TFDP2: variants seen among roughly 807,000 people sequenced by gnomAD.
TFDP2 encodes transcription factor Dp-2 (E2F dimerization partner 2).
Under a neutral mutation model 59.3 loss-of-function variants are expected in TFDP2, and 17 were observed. That is an observed-to-expected ratio of 0.29 (90% confidence interval 0.20 to 0.43). TFDP2 has a LOEUF of 0.43. Among genes scored for constraint, TFDP2 ranks in the 20% least tolerant of loss-of-function variants. The pLI is 1.00. For synonymous variants in TFDP2, 180 were observed against 194.7 expected (o/e 0.92, Z 0.63); for missense variants, 391 against 528.8 (o/e 0.74, Z 2.56).
chr3:142,143,672 GA>G (rs1264230844), intron 1 of TFDP2, among the ~76,000 whole-genome samples: 17 of 152,210 alleles, frequency 1.1e-4, no homozygotes, highest in Non-Finnish European at 1.8e-4. Flanking sequence ...GCTGATCATC[GA>G]AGAAATGCAT....
At chr3:142,018,509 CTGGA>C in intron 3 of TFDP2, among the ~76,000 whole-genome samples, 1 of 152,184 alleles carries the variant, frequency 6.6e-6, no homozygotes, top group East Asian at 1.9e-4. Flanking sequence ...GTCACCCAGG[CTGGA>C]CTGCAGTGGA....
intron 2 of TFDP2, among the ~76,000 whole-genome samples, chr3:142,097,571 G>A (rs945223339): frequency 2.6e-5 from 4 of 152,050 alleles, no homozygotes; most frequent in South Asian, 2.1e-4. Context: ...CTGTAGTTCC[G>A]CTACTGGAGA....
At chr3:142,049,288 T>C (rs766780961) in intron 3 of TFDP2, among the ~76,000 whole-genome samples, 1 of 152,360 alleles carries the variant, frequency 6.6e-6, no homozygotes, top group Non-Finnish European at 1.5e-5. Context: ...GTTTATCCCA[T>C]GAATGGCAGA....
intron 8 of TFDP2, among the ~76,000 whole-genome samples, chr3:141,971,866 G>C (rs892624294): frequency 3.3e-5 from 5 of 152,186 alleles, no homozygotes; most frequent in Non-Finnish European, 5.9e-5. Flanking sequence ...AAACACTGAA[G>C]AATGTTCAAC....
At chr3:141,960,416 G>C (rs1161074509) in intron 10 of TFDP2, among the ~76,000 whole-genome samples, 1 of 152,118 alleles carries the variant, frequency 6.6e-6, no homozygotes, top group Admixed American at 6.6e-5. Flanking sequence ...AATATGTTTG[G>C]AAAGTACCCA....
At chr3:141,987,267 G>T (rs1340908831) in intron 6 of TFDP2, among the ~76,000 whole-genome samples, 1 of 51,664 alleles carries the variant, frequency 1.9e-5, no homozygotes, top group African/African-American at 1.5e-4. Context: ...TGTCAGATTT[G>T]TGTGTGTGTG....
intron 3 of TFDP2, among the ~76,000 whole-genome samples, chr3:142,031,041 G>A (rs1424549267): frequency 6.6e-6 from 1 of 151,984 alleles, no homozygotes. Context: ...CGCGCCCGGC[G>A]TATTCCCGTG....
chr3:141,978,400 C>G, intron 7 of TFDP2, 120 bp downstream of exon 7: 2 of 1,046,208 alleles, frequency 1.9e-6, no homozygotes, highest in Non-Finnish European at 2.6e-6. Flanking sequence ...AACAAAAAAT[C>G]CCCCAAAATA....
rs144898298 is a variant in TFDP2, at chr3:142,084,777, T to C, written c.82+8284A>G. Among the ~76,000 whole-genome samples the C allele has an allele frequency of 7.2e-4, 110 of 152,064 alleles. 1 individual carries two copies. In the South Asian group the frequency reaches 9.4e-3, roughly 13 times the overall value. Reference sequence around the variant, plus strand: ...TTGTGGGTGCTAAAAACTAAAACAATTGAACACGTGGAGACAGAAAATAAA... The same window carrying C: ...TTGTGGGTGCTAAAAACTAAAACAACTGAACACGTGGAGACAGAAAATAAA... On this transcript the variant is annotated intron_variant, in intron 3 of 12. Transcript: ENST00000489671.
intron 3 of TFDP2, among the ~76,000 whole-genome samples, chr3:142,014,073 G>A (rs558931085): frequency 7.2e-5 from 11 of 152,210 alleles, no homozygotes; most frequent in African/African-American, 2.6e-4. Flanking sequence ...TAAATTAGAA[G>A]CAATGGTATA....
chr3:142,006,126 T>G (rs973835366), intron 3 of TFDP2, among the ~76,000 whole-genome samples: 1 of 152,182 alleles, frequency 6.6e-6, no homozygotes, highest in Non-Finnish European at 1.5e-5. Flanking sequence ...TACCGTGTTT[T>G]CAAGTGATTT....
At chr3:141,974,943 T>C (rs1218759136) in intron 7 of TFDP2, among the ~76,000 whole-genome samples, 1 of 140,462 alleles carries the variant, frequency 7.1e-6, no homozygotes, top group Non-Finnish European at 1.5e-5. Context: ...AGACAGTGTC[T>C]CGCTCTCTCG....
intron 1 of TFDP2, among the ~76,000 whole-genome samples, chr3:142,104,747 C>A (rs764030627): frequency 6.6e-6 from 1 of 152,058 alleles, no homozygotes; most frequent in Non-Finnish European, 1.5e-5. Flanking sequence ...ATTTATATTT[C>A]TTTTTATTCA....
chr3:142,114,135 A>C (rs2061765328), intron 1 of TFDP2, among the ~76,000 whole-genome samples: 1 of 151,936 alleles, frequency 6.6e-6, no homozygotes, highest in South Asian at 2.1e-4. Context: ...ACTGCACTCC[A>C]GCCCGGGCGA....
chr3:141,975,416 G>A (rs1940476976), intron 7 of TFDP2, among the ~76,000 whole-genome samples: 1 of 152,094 alleles, frequency 6.6e-6, no homozygotes. Context: ...CAATGGGCCA[G>A]GAGTGGTGGC....
chr3:141,999,971 G>A (rs1232801768), intron 4 of TFDP2, among the ~76,000 whole-genome samples: 2 of 152,076 alleles, frequency 1.3e-5, no homozygotes, highest in African/African-American at 4.8e-5. Flanking sequence ...TCCTGACCTC[G>A]TGATCTGCCT....
intron 4 of TFDP2, among the ~76,000 whole-genome samples, chr3:142,003,092 T>G (rs1162998311): frequency 6.6e-6 from 1 of 151,508 alleles, no homozygotes; most frequent in East Asian, 1.9e-4. Flanking sequence ...AACTTCTTCC[T>G]CCCGGGTTCA....
intron 3 of TFDP2, chr3:142,043,987 G>A (rs1470209387): frequency 1.3e-5 from 9 of 709,450 alleles, no homozygotes; most frequent in Admixed American, 7.8e-5. Flanking sequence ...CCTGCCTTCC[G>A]GCGGGCCAAG....
chr3:142,084,315 G>A (rs1560126264), intron 3 of TFDP2, among the ~76,000 whole-genome samples: 1 of 152,146 alleles, frequency 6.6e-6, no homozygotes. Context: ...TTAACCAAGA[G>A]ACAGGGAATA....
Sources: gnomAD v4.1 joint callset for allele counts (sites outside exome capture counted in the v4.1 genomes callset) on GRCh38, gnomAD v4.1.1 for gene constraint, MANE v1.5 for transcripts, NCBI Gene and HGNC (gene_info 2026-07-23, HGNC 2026-07-21) for gene names.